Variants in KBTBD6 observed in about 807,000 individuals in gnomAD.
KBTBD6 encodes kelch repeat and BTB domain containing 6.
A neutral mutation model predicts 34.4 loss-of-function variants in KBTBD6; 6 were observed. The ratio of observed to expected loss-of-function variants is 0.17; its 90% CI spans 0.10 to 0.34. The LOEUF is 0.34. Ranked by LOEUF, KBTBD6 falls within the 10% of genes least tolerant of loss-of-function variation. KBTBD6 has a pLI of 1.00. For synonymous variants in KBTBD6, 288 were observed against 327.2 expected, an observed-to-expected ratio of 0.88 and a Z score of 1.29; for missense variants, 557 against 856.0, an observed-to-expected ratio of 0.65 and a Z score of 4.36.
rs959359501 is a variant in KBTBD6 at position 41,132,756 on chromosome 13, T to C, written c.-245A>G. ...GTCTGCTCGCCTTCACAGGACCCGCTGGCTTGGAGCCGCAGAAGCCGCTAC... is the reference window on the plus strand; with the variant it reads ...GTCTGCTCGCCTTCACAGGACCCGCCGGCTTGGAGCCGCAGAAGCCGCTAC... On this transcript the variant is annotated 5_prime_UTR_variant, in exon 1 of 1. Coordinates refer to ENST00000379485, the MANE Select transcript of KBTBD6 (RefSeq NM_152903.5). 5.4e-6 allele frequency: 3 copies of C among 554,826 alleles called. No individual in the cohort carries two copies. The highest frequency in any genetic ancestry group is 6.1e-5 in the East Asian group (2 of 32,886). The allele number at this position is 554,826 out of a possible 1,614,324, so 34.4% of individuals were successfully genotyped here.
In KBTBD6 at chr13:41,129,640, GT is replaced by G. The variant is rs916783399; in HGVS notation, c.*846del. 9 of 136,972 alleles carry G rather than the reference GT, an allele frequency of 6.6e-5. No individual in the cohort carries two copies. Among genetic ancestry groups the G allele is most frequent in the South Asian group, 4.8e-4 (2 of 4,166 alleles). The allele number at this position is 136,972 out of a possible 1,614,324, so 8.5% of individuals were successfully genotyped here. ...ACTCAGTCACCCTAATACACATATG[GT>G]TTTTTTTCTTTTTTTTTTTTCCTTT... On this transcript the variant is annotated 3_prime_UTR_variant, in exon 1 of 1. Coordinates refer to ENST00000379485, the MANE Select transcript of KBTBD6 (RefSeq NM_152903.5).
rs2030129878 is a variant in KBTBD6, at chr13:41,132,581, T to C, written c.-70A>G. On this transcript the variant is annotated 5_prime_UTR_variant, in exon 1 of 1. Transcript: ENST00000379485. ...CCCGGCTCTGGCTCCTCCTCAACCT[T>C]CCCTCGCTGACGCTAAGATAGCAGC... 1 of 1,522,180 alleles carries C rather than the reference T, an allele frequency of 6.6e-7. No individual in the cohort carries two copies. The highest frequency in any genetic ancestry group is 8.9e-7 in the Non-Finnish European group (1 of 1,119,598). The allele number at this position is 1,522,180 out of a possible 1,614,324, so 94.3% of individuals were successfully genotyped here.
chr13:41,132,641 T>C lies in KBTBD6; in HGVS notation c.-130A>G. 1 of 1,112,422 alleles carries C rather than the reference T, an allele frequency of 9.0e-7. No homozygotes were observed. Among genetic ancestry groups the C allele is most frequent in the Non-Finnish European group, 1.3e-6 (1 of 778,764 alleles). The allele number at this position is 1,112,422 out of a possible 1,614,324, so 68.9% of individuals were successfully genotyped here. On this transcript the variant is annotated 5_prime_UTR_variant, in exon 1 of 1. Transcript: ENST00000379485. ...GAGACAGCAGCACGAGCCCATTTAC[T>C]GAATTCAACCCTACCCCGCAGAACC...
chr13:41,130,477 C>G lies in KBTBD6; in HGVS notation c.*10G>C, dbSNP rs1341215921. On this transcript the variant is annotated 3_prime_UTR_variant, in exon 1 of 1. Transcript: ENST00000379485. This position sits in a 1 kb window ranked among gnomAD's most constrained non-coding sequence, Gnocchi z 4.8. ...TCTAGTTACAACAAACCCTGTTGATCCTGTGCATTTCACTGAGGCGCTACA... is the reference window on the plus strand; with the variant it reads ...TCTAGTTACAACAAACCCTGTTGATGCTGTGCATTTCACTGAGGCGCTACA... 1 of 1,589,126 alleles carries G rather than the reference C, an allele frequency of 6.3e-7. No homozygotes were observed. The highest frequency in any genetic ancestry group is 8.6e-7 in the Non-Finnish European group (1 of 1,161,876).
In KBTBD6 at chr13:41,130,620, G is replaced by A. The variant is rs767379342; in HGVS notation, c.1892C>T (p.Thr631Ile). 1 of 1,614,158 alleles carries A rather than the reference G, an allele frequency of 6.2e-7. No homozygotes were observed. Among genetic ancestry groups the A allele is most frequent in the Non-Finnish European group, 8.5e-7 (1 of 1,180,018 alleles). ...CTCACTTGGTATTTCTTCTTCTTCA[G>A]TGAGGAAACTCTGACCAGGTTCAAG... ...SCLEPGQSFL[T>I]EEEEIPSESS... Residue 631 changes from threonine to isoleucine, a missense_variant, in exon 1 of 1, where the codon ACT becomes ATT. Thr to Ile is a moderately conservative substitution (Grantham distance 89, BLOSUM62 -1). Transcript: ENST00000379485. The surrounding 1 kb of genome is among the most constrained non-coding windows in gnomAD (Gnocchi z 4.8).
rs1338929733 is a variant in KBTBD6, at chr13:41,131,720, G to C, written c.792C>G (p.Cys264Trp). The change falls in exon 1 of 1, where the codon TGC becomes TGG. Residue 264 changes from cysteine (C) to tryptophan (W), a missense_variant. Cys to Trp is a radical substitution (Grantham distance 215). Coordinates refer to ENST00000379485, the MANE Select transcript of KBTBD6 (RefSeq NM_152903.5). The surrounding 1 kb of genome is among the most constrained non-coding windows in gnomAD (Gnocchi z 5.8). ...RGPSAAEVFK[C>W]VRWMHFTEED... ...CTTCAGTGAAGTGCATCCAGCGCAC[G>C]CACTTGAAGACTTCTGCAGCACTGG... 1.2e-6 allele frequency: 2 copies of C among 1,614,076 alleles called. No individual in the cohort carries two copies. The highest frequency in any genetic ancestry group is 1.7e-6 in the Non-Finnish European group (2 of 1,180,038).
chr13:41,131,327 G>A lies in KBTBD6; in HGVS notation c.1185C>T (p.Ile395=). ...CTGTCCTGGGCTGAGCAGCTAGATA[G>A]ATGTCATGGTCAGGAGAGATACAGA... ...LAVCISPDHD[I]YLAAQPRTDL... Residue 395 remains isoleucine (I), a synonymous_variant, in exon 1 of 1, where the codon ATC becomes ATT. Coordinates refer to ENST00000379485, the MANE Select transcript of KBTBD6 (RefSeq NM_152903.5). This position sits in a 1 kb window ranked among gnomAD's most constrained non-coding sequence, Gnocchi z 5.8. The A allele has an allele frequency of 6.2e-7, 1 of 1,614,168 alleles. No individual in the cohort carries two copies. Among genetic ancestry groups the A allele is most frequent in the Non-Finnish European group, 8.5e-7 (1 of 1,180,010 alleles).
chr13:41,131,803 G>T lies in KBTBD6; in HGVS notation c.709C>A (p.Gln237Lys), dbSNP rs139753120. 3 of 1,614,240 alleles carry T rather than the reference G, an allele frequency of 1.9e-6. No individual in the cohort carries two copies. Among genetic ancestry groups the T allele is most frequent in the Admixed American group, 1.7e-5 (1 of 60,030 alleles). The change falls in exon 1 of 1, where the codon CAG becomes AAG. Residue 237 changes from glutamine (Q) to lysine (K), a missense_variant. Gln to Lys is a moderately conservative substitution (Grantham distance 53, BLOSUM62 1). Transcript: ENST00000379485. The surrounding 1 kb of genome is among the most constrained non-coding windows in gnomAD (Gnocchi z 5.8). Reference protein sequence around the residue: ...RLDSLDVESEQTVCHVAVQWL... With the variant: ...RLDSLDVESEKTVCHVAVQWL... ...TGCACTGCCACATGGCACACTGTCT[G>T]CTCACTCTCCACGTCCAGACTATCC...
chr13:41,132,504 G>T lies in KBTBD6; in HGVS notation c.8C>A (p.Ser3Tyr). 1.2e-6 allele frequency: 2 copies of T among 1,613,606 alleles called. No individual in the cohort carries two copies. The highest frequency in any genetic ancestry group is 1.7e-6 in the Non-Finnish European group (2 of 1,179,588). Residue 3 changes from serine to tyrosine, a missense_variant, in exon 1 of 1, where the codon TCC (serine) becomes TAC (tyrosine). By Grantham distance (144) the Ser-to-Tyr change is moderately radical (BLOSUM62 -2). Coordinates refer to ENST00000379485, the MANE Select transcript of KBTBD6 (RefSeq NM_152903.5). ...GCGAGAGCGCGGGGCGTCTTCCCGG[G>T]ACTGCATGGTGGAGATGGCGACGGG... MQ[S>Y]REDAPRSRRL...
rs1243146114 is a variant in KBTBD6 at position 41,132,754 on chromosome 13, G to A, written c.-243C>T. 2 of 559,904 alleles carry A rather than the reference G, an allele frequency of 3.6e-6. No individual in the cohort carries two copies. The highest frequency in any genetic ancestry group is 6.5e-5 in the Admixed American group (2 of 30,738). The allele number at this position is 559,904 out of a possible 1,614,324, so 34.7% of individuals were successfully genotyped here. On this transcript the variant is annotated 5_prime_UTR_variant, in exon 1 of 1. Coordinates refer to ENST00000379485, the MANE Select transcript of KBTBD6 (RefSeq NM_152903.5). ...GCGTCTGCTCGCCTTCACAGGACCC[G>A]CTGGCTTGGAGCCGCAGAAGCCGCT...
rs1201054590 is a variant in KBTBD6 at position 41,131,881 on chromosome 13, C to T, written c.631G>A (p.Glu211Lys). The T allele has an allele frequency of 1.9e-6, 3 of 1,614,254 alleles. No homozygotes were observed. Among genetic ancestry groups the T allele is most frequent in the Admixed American group, 3.3e-5 (2 of 60,028 alleles). ...KQLSHMGSIR[E>K]ETLADLTLAQ... ...AGGGTCAGATCTGCTAGAGTCTCCT[C>T]CCGAATTGAACCCATGTGGCTGAGT... Residue 211 changes from glutamate (E) to lysine (K), a missense_variant, in exon 1 of 1, where the codon GAG (glutamate) becomes AAG (lysine). Glu to Lys is a moderately conservative substitution (Grantham distance 56, BLOSUM62 1). Coordinates refer to ENST00000379485, the MANE Select transcript of KBTBD6 (RefSeq NM_152903.5). This position sits in a 1 kb window ranked among gnomAD's most constrained non-coding sequence, Gnocchi z 5.8.
chr13:41,130,311 T>C lies in KBTBD6; in HGVS notation c.*176A>G. On this transcript the variant is annotated 3_prime_UTR_variant, in exon 1 of 1. Coordinates refer to ENST00000379485, the MANE Select transcript of KBTBD6 (RefSeq NM_152903.5). This position sits in a 1 kb window ranked among gnomAD's most constrained non-coding sequence, Gnocchi z 4.8. ...AAAGGTTGATTTGAGTGTTAAAATT[T>C]GTAACATTAAATTACCTTCGTATTT... 1.8e-6 allele frequency: 1 copy of C among 545,678 alleles called. No individual in the cohort carries two copies. The highest frequency in any genetic ancestry group is 3.0e-5 in the East Asian group (1 of 33,766). The allele number at this position is 545,678 out of a possible 1,614,324, so 33.8% of individuals were successfully genotyped here. A position where few individuals can be genotyped will look rare whatever the true frequency, so the allele number is the denominator to read the frequency against.
At position 41,129,014 on chromosome 13, in the gene KBTBD6, G is replaced by A. The variant is rs1206737057; in HGVS notation, c.*1473C>T. On this transcript the variant is annotated 3_prime_UTR_variant, in exon 1 of 1. Transcript: ENST00000379485. ...AAGCTGATAATCAAGAACATTTAGT[G>A]ACTTTAAAAAGCTGACAGAATATTT... The A allele has an allele frequency of 1.3e-5, 2 of 152,956 alleles. No homozygotes were observed. The highest frequency in any genetic ancestry group is 6.5e-5 in the Admixed American group (1 of 15,276). 9.5% of individuals were successfully genotyped at this position (152,956 alleles called of 1,614,324 possible).
In KBTBD6 at chr13:41,132,461, A is replaced by G. The variant is rs543338015; in HGVS notation, c.51T>C (p.Arg17=). 4.3e-6 allele frequency: 7 copies of G among 1,614,128 alleles called. No homozygotes were observed. In the African/African-American group the frequency reaches 8.0e-5, roughly 18 times the overall value. ...APRSRRLASP[R]GGKRPKKIHK... ...GAATCTTCTTGGGCCGCTTCCCACC[A>G]CGGGGACTGGCTAGGCGGCGAGAGC... The change falls in exon 1 of 1, where the codon CGT becomes CGC. Residue 17 remains arginine, a synonymous_variant. Transcript: ENST00000379485.
rs538782994 is a variant in KBTBD6 at position 41,129,090 on chromosome 13, T to C, written c.*1397A>G. ...CACAGCTTTACAGTTTTAAAGTTCT[T>C]TGCTGGCACTTGACTTTATAGTTAA... On this transcript the variant is annotated 3_prime_UTR_variant, in exon 1 of 1. Transcript: ENST00000379485. The C allele has an allele frequency of 6.5e-6, 1 of 152,794 alleles. No individual in the cohort carries two copies. Among genetic ancestry groups the C allele is most frequent in the East Asian group, 1.9e-4 (1 of 5,192 alleles). 9.5% of individuals were successfully genotyped at this position (152,794 alleles called of 1,614,324 possible).
chr13:41,128,707 G>A lies in KBTBD6; in HGVS notation c.*1780C>T. 1 of 373,126 alleles carries A rather than the reference G, an allele frequency of 2.7e-6. No individual in the cohort carries two copies. The highest frequency in any genetic ancestry group is 4.8e-6 in the Non-Finnish European group (1 of 209,070). The allele number at this position is 373,126 out of a possible 1,614,324, so 23.1% of individuals were successfully genotyped here. A position where few individuals can be genotyped will look rare whatever the true frequency, so the allele number is the denominator to read the frequency against. On this transcript the variant is annotated 3_prime_UTR_variant, in exon 1 of 1. Coordinates refer to ENST00000379485, the MANE Select transcript of KBTBD6 (RefSeq NM_152903.5). ...GCTGAGACATGATCATAGCTGCAGT[G>A]AGCTATGATTATAGCTGCAGATGAT... is the stretch of plus-strand genomic sequence containing the variant.
chr13:41,131,812 C>G lies in KBTBD6; in HGVS notation c.700G>C (p.Glu234Gln). ...ACATGGCACACTGTCTGCTCACTCTCCACGTCCAGACTATCCAAGCGCAGG... is the reference window on the plus strand; with the variant it reads ...ACATGGCACACTGTCTGCTCACTCTGCACGTCCAGACTATCCAAGCGCAGG... ...AVLRLDSLDV[E>Q]SEQTVCHVAV... is the part of the protein sequence containing the mutation. The change falls in exon 1 of 1, where the codon GAG becomes CAG. Residue 234 changes from glutamate to glutamine, a missense_variant. By Grantham distance (29) the Glu-to-Gln change is conservative. This residue lies in a region of KBTBD6 where 100 missense variants were observed against 102.1 expected (regional missense o/e 0.98). Transcript: ENST00000379485. The surrounding 1 kb of genome is among the most constrained non-coding windows in gnomAD (Gnocchi z 5.8). The G allele has an allele frequency of 2.5e-6, 4 of 1,614,264 alleles. No homozygotes were observed. Among genetic ancestry groups the G allele is most frequent in the Non-Finnish European group, 3.4e-6 (4 of 1,180,048 alleles).
chr13:41,132,257 G>T lies in KBTBD6; in HGVS notation c.255C>A (p.Asn85Lys). 6.2e-7 allele frequency: 1 copy of T among 1,614,252 alleles called. No individual in the cohort carries two copies. The highest frequency in any genetic ancestry group is 8.5e-7 in the Non-Finnish European group (1 of 1,180,056). Reference sequence around the variant, plus strand: ...GACATGCCGCGGCCAGCACATTGCGGTTGCAGGGGAACAGGCGACCCGTGC... The same window carrying T: ...GACATGCCGCGGCCAGCACATTGCGTTTGCAGGGGAACAGGCGACCCGTGC... ...GPGTGRLFPC[N>K]RNVLAAACPY... is the part of the protein sequence containing the mutation. The change falls in exon 1 of 1, where the codon AAC becomes AAA. Residue 85 changes from asparagine (N) to lysine (K), a missense_variant. Around this residue, in one of 4 missense-constraint regions of KBTBD6, gnomAD observed 108 missense variants for 209.6 expected, o/e 0.52. Transcript: ENST00000379485.
In KBTBD6 at chr13:41,131,700, G is replaced by A. The variant is rs201703793; in HGVS notation, c.812C>T (p.Thr271Ile). 8 of 1,614,132 alleles carry A rather than the reference G, an allele frequency of 5.0e-6. No homozygotes were observed. The East Asian group carries it at 1.8e-4, about 36-fold the overall frequency. Residue 271 changes from threonine to isoleucine, a missense_variant, in exon 1 of 1, where the codon ACT becomes ATT. Thr to Ile is a moderately conservative substitution (Grantham distance 89). Coordinates refer to ENST00000379485, the MANE Select transcript of KBTBD6 (RefSeq NM_152903.5). This position sits in a 1 kb window ranked among gnomAD's most constrained non-coding sequence, Gnocchi z 5.8. ...VFKCVRWMHF[T>I]EEDQDYLEGL... ...TTCTAAGTAGTCCTGATCTTCTTCA[G>A]TGAAGTGCATCCAGCGCACGCACTT... is the stretch of plus-strand genomic sequence containing the variant.
Sources: allele counts gnomAD v4.1 joint callset, GRCh38; gene constraint gnomAD v4.1.1; regional missense constraint gnomAD v4.1.1; non-coding constraint Gnocchi (gnomAD v3.1); transcripts MANE v1.5; gene names NCBI Gene and HGNC (gene_info 2026-07-23, HGNC 2026-07-21).